Variants in PRKG1 observed in about 807,000 individuals in gnomAD.
PRKG1 encodes cGMP-dependent protein kinase 1.
In PRKG1, 35 loss-of-function variants were observed where a neutral mutation model predicts 88.1. The ratio of observed to expected loss-of-function variants is 0.40; its 90% CI spans 0.30 to 0.53. PRKG1 has a LOEUF of 0.53. Ranked by LOEUF, PRKG1 falls within the 20% of genes least tolerant of loss-of-function variation. The pLI, the probability that PRKG1 is intolerant of heterozygous loss-of-function variation, is 0.59. For missense variants in PRKG1, 540 were observed against 839.8 expected (o/e 0.64, Z 4.41); for synonymous variants, 303 against 292.5 (o/e 1.04, Z -0.37).
chr10:51,805,034 T>C (rs1209154058), intron 4 of PRKG1, among the ~76,000 whole-genome samples: 1 of 152,068 alleles, frequency 6.6e-6, no homozygotes, highest in Non-Finnish European at 1.5e-5. Flanking sequence ...CAAAAAAGGA[T>C]ATTGAATACA....
chr10:51,346,232 C>A, intron 2 of PRKG1, among the ~76,000 whole-genome samples: 1 of 152,094 alleles, frequency 6.6e-6, no homozygotes, highest in Non-Finnish European at 1.5e-5. Flanking sequence ...GATTAGCGTA[C>A]AATTGGATTC....
At position 51,698,814 on chromosome 10, in the gene PRKG1, G is replaced by A. The variant is rs559685615; in HGVS notation, c.593-105771G>A. On this transcript the variant is annotated intron_variant, in intron 3 of 17. Coordinates refer to ENST00000373980, the MANE Select transcript of PRKG1 (RefSeq NM_006258.4). ...ATCAGAGGAGGAATGTCCTTCACAG[G>A]TCTTCTAGCCAAATGCTGAGGCTGA... 18 of 1,614,170 alleles carry A rather than the reference G, an allele frequency of 1.1e-5. No homozygotes were observed. In the African/African-American group the frequency reaches 1.7e-4, roughly 16 times the overall value.
intron 3 of PRKG1, among the ~76,000 whole-genome samples, chr10:51,473,922 A>G (rs1239265158): frequency 3.9e-5 from 6 of 151,910 alleles, no homozygotes; most frequent in Admixed American, 3.9e-4. Flanking sequence ...CATTTTTAGT[A>G]TTTATTCAAC....
chr10:51,380,078 G>A (rs557781792), intron 2 of PRKG1, among the ~76,000 whole-genome samples: 33 of 152,268 alleles, frequency 2.2e-4, no homozygotes, highest in African/African-American at 7.7e-4. Context: ...AGCCCTCTAT[G>A]TCTAGGCTAT....
chr10:51,861,499 T>A (rs2154284), intron 4 of PRKG1, among the ~76,000 whole-genome samples: 1 of 151,930 alleles, frequency 6.6e-6, no homozygotes, highest in African/African-American at 2.4e-5. Context: ...ACATTAGTTT[T>A]TTCTAGTGCT....
chr10:51,994,836 G>C (rs934009585), intron 5 of PRKG1, among the ~76,000 whole-genome samples: 1 of 152,110 alleles, frequency 6.6e-6, no homozygotes, highest in African/African-American at 2.4e-5. Flanking sequence ...GATTGAAGAA[G>C]TCACTGCTTC....
intron 3 of PRKG1, among the ~76,000 whole-genome samples, chr10:51,553,764 T>G (rs1837206243): frequency 7.5e-6 from 1 of 133,522 alleles, no homozygotes; most frequent in South Asian, 2.4e-4. Context: ...ATTAGATACG[T>G]GTATATAATA....
chr10:51,021,808 G>A (rs1843140746), intron 1 of PRKG1, among the ~76,000 whole-genome samples: 1 of 151,976 alleles, frequency 6.6e-6, no homozygotes, highest in Admixed American at 6.6e-5. Context: ...GGCCTCCTGA[G>A]TAGCTGGTAT....
At chr10:52,170,602 C>T (rs1316168955) in intron 9 of PRKG1, among the ~76,000 whole-genome samples, 1 of 152,176 alleles carries the variant, frequency 6.6e-6, no homozygotes, top group Non-Finnish European at 1.5e-5. Context: ...GTATTGCCTA[C>T]CTGTGTACCA....
chr10:51,518,738 G>C (rs1328680660), intron 3 of PRKG1, among the ~76,000 whole-genome samples: 1 of 152,190 alleles, frequency 6.6e-6, no homozygotes, highest in Non-Finnish European at 1.5e-5. Context: ...GGAAAATTTA[G>C]CTGTCAGTAT....
At chr10:51,224,773 C>A (rs1838644840) in intron 2 of PRKG1, among the ~76,000 whole-genome samples, 1 of 152,050 alleles carries the variant, frequency 6.6e-6, no homozygotes, top group South Asian at 2.1e-4. Flanking sequence ...AAATCCAAGC[C>A]CTATTTCATC....
chr10:52,080,835 G>A (rs1256882009), intron 7 of PRKG1, among the ~76,000 whole-genome samples: 1 of 151,978 alleles, frequency 6.6e-6, no homozygotes, highest in African/African-American at 2.4e-5. Flanking sequence ...TAGATGCTGT[G>A]GTATGCCACC....
Position 51,094,373 on chromosome 10 carries a change from C to T in PRKG1, c.311+19472C>T, listed in dbSNP as rs553384312. Among the ~76,000 whole-genome samples the T allele has an allele frequency of 5.3e-5, 8 of 152,088 alleles. No individual in the cohort carries two copies. The East Asian group carries it at 1.4e-3, about 26-fold the overall frequency. On this transcript the variant is annotated intron_variant, in intron 1 of 17. Transcript: ENST00000373980. ...ACAAAATGGAATATATCAGTATTTT[C>T]TGTGTTTTCATTCTGTATGGATTAC...
intron 2 of PRKG1, among the ~76,000 whole-genome samples, chr10:51,423,278 T>G (rs1838470280): frequency 6.6e-6 from 1 of 152,218 alleles, no homozygotes; most frequent in South Asian, 2.1e-4. Context: ...CTCTTAATAA[T>G]GACTTCGAAA....
intron 14 of PRKG1, 39 bp from the exon 15 acceptor site, chr10:52,288,687 T>C (rs1842173852): frequency 6.5e-7 from 1 of 1,536,958 alleles, no homozygotes; most frequent in Non-Finnish European, 8.7e-7. Flanking sequence ...ATGTAGAAAA[T>C]AAAAGTAATA....
chr10:51,698,475 G>A (rs1564611927), intron 3 of PRKG1: 1 of 1,614,114 alleles, frequency 6.2e-7, no homozygotes, highest in Non-Finnish European at 8.5e-7. Flanking sequence ...GGACCCTGAT[G>A]GGGTGGACCC....
chr10:51,130,322 G>A (rs985076279), intron 1 of PRKG1, among the ~76,000 whole-genome samples: 1 of 152,050 alleles, frequency 6.6e-6, no homozygotes, highest in African/African-American at 2.4e-5. Context: ...TACATGGCAA[G>A]CAATCTGTCT....
chr10:52,077,675 G>T (rs1268613994), intron 7 of PRKG1, among the ~76,000 whole-genome samples: 1 of 151,984 alleles, frequency 6.6e-6, no homozygotes, highest in Admixed American at 6.6e-5. Flanking sequence ...CACTTTCATG[G>T]TTCTACACAC....
At chr10:51,935,291 T>G (rs1842778285) in intron 5 of PRKG1, among the ~76,000 whole-genome samples, 1 of 152,052 alleles carries the variant, frequency 6.6e-6, no homozygotes, top group South Asian at 2.1e-4. Context: ...ACATGGTTGT[T>G]AAATATAGAG....
Sources: gnomAD v4.1 joint callset for allele counts (sites outside exome capture counted in the v4.1 genomes callset) on GRCh38, gnomAD v4.1.1 for gene constraint, MANE v1.5 for transcripts, NCBI Gene and HGNC (gene_info 2026-07-23, HGNC 2026-07-21) for gene names.